SUPV3L1: variants seen among roughly 807,000 people sequenced by gnomAD.
The protein encoded by SUPV3L1 is Suv3 like RNA helicase, also known as ATP-dependent RNA helicase SUPV3L1, mitochondrial.
SUPV3L1 carries 35 observed loss-of-function variants against 70.0 expected under a neutral mutation model. That is an observed-to-expected ratio of 0.50 (90% CI 0.38 to 0.66). The LOEUF is 0.66. Ranked by LOEUF, SUPV3L1 falls within the 30% of genes least tolerant of loss-of-function variation. The probability of loss-of-function intolerance (pLI) is 0.00; values close to 1 mark genes in which losing one functional copy is unlikely to be tolerated. For missense variants in SUPV3L1, 777 were observed against 961.5 expected (o/e 0.81, Z 2.54); for synonymous variants, 364 against 341.9 (o/e 1.06, Z -0.71).
chr10:69,187,686 C>G lies in SUPV3L1; in HGVS notation c.502C>G (p.Gln168Glu). 5.6e-6 allele frequency: 9 copies of G among 1,613,202 alleles called. No individual in the cohort carries two copies. Among genetic ancestry groups the G allele is most frequent in the Non-Finnish European group, 6.8e-6 (8 of 1,179,780 alleles). The change falls in exon 4 of 15, where the codon CAA (glutamine) becomes GAA (glutamate). Residue 168 changes from glutamine (Q) to glutamate (E), a missense_variant. Around this residue, in one of 2 missense-constraint regions of SUPV3L1, gnomAD observed 619 missense variants for 823.3 expected, o/e 0.75. Coordinates refer to ENST00000359655, the MANE Select transcript of SUPV3L1 (RefSeq NM_003171.5). ...LFPFFLRHAK[Q>E]IFPVLDCKDD... ...CCCATTTTTCTTGAGACATGCCAAA[C>G]AAATATTTCCTGTGTTGGACTGTAA...
At chr10:69,195,683 C>T (rs1325904072) in intron 7 of SUPV3L1, among the ~76,000 whole-genome samples, 1 of 152,128 alleles carries the variant, frequency 6.6e-6, no homozygotes, top group African/African-American at 2.4e-5. Flanking sequence ...TAATTTGCTC[C>T]ATAGAGTTGA....
At chr10:69,190,850 C>T (rs1191611271) in intron 5 of SUPV3L1, among the ~76,000 whole-genome samples, 1 of 152,164 alleles carries the variant, frequency 6.6e-6, no homozygotes, top group East Asian at 1.9e-4. Context: ...GATGACCAGC[C>T]ATCCCAGTTT....
chr10:69,189,646 CTTTT>C (rs34718589), intron 5 of SUPV3L1, among the ~76,000 whole-genome samples: 1 of 125,052 alleles, frequency 8.0e-6, no homozygotes. Context: ...GCTATCAATT[CTTTT>C]TTTTTTTTTT....
chr10:69,198,094 GAACTT>G (rs1267506459), intron 8 of SUPV3L1, among the ~76,000 whole-genome samples: 1 of 152,072 alleles, frequency 6.6e-6, no homozygotes, highest in East Asian at 1.9e-4. Flanking sequence ...TAACCTTTCT[GAACTT>G]AACACATTGC....
chr10:69,207,316 A>G (rs1462081286), intron 13 of SUPV3L1, among the ~76,000 whole-genome samples: 2 of 152,082 alleles, frequency 1.3e-5, no homozygotes, highest in African/African-American at 4.8e-5. Context: ...AAAAGAAGGA[A>G]ATCATCTTTT....
At chr10:69,199,654 A>G (rs1842633491) in intron 10 of SUPV3L1, among the ~76,000 whole-genome samples, 1 of 151,810 alleles carries the variant, frequency 6.6e-6, no homozygotes, top group African/African-American at 2.4e-5. Flanking sequence ...AAGTGCTAGG[A>G]TTACAGGCAT....
intron 5 of SUPV3L1, among the ~76,000 whole-genome samples, chr10:69,191,311 C>CCT (rs1357036432): frequency 1.4e-5 from 2 of 146,306 alleles, no homozygotes; most frequent in Non-Finnish European, 3.0e-5. Flanking sequence ...GCTCACTGAA[C>CCT]CTCCATCTCT....
chr10:69,193,592 T>G (rs1842458954), intron 6 of SUPV3L1, among the ~76,000 whole-genome samples: 1 of 152,070 alleles, frequency 6.6e-6, no homozygotes, highest in African/African-American at 2.4e-5. Context: ...TTTTCTTTTG[T>G]AGAGAAGAGG....
In SUPV3L1 at chr10:69,180,426, T is replaced by C. The variant is rs763252324; in HGVS notation, c.135T>C (p.Leu45=). The C allele has an allele frequency of 6.2e-7, 1 of 1,614,242 alleles. No individual in the cohort carries two copies. The highest frequency in any genetic ancestry group is 8.5e-7 in the Non-Finnish European group (1 of 1,180,044). The change falls in exon 1 of 15, where the codon CTT becomes CTC. Residue 45 remains leucine, a synonymous_variant. Transcript: ENST00000359655. ...FPGVLGQVSV[L]ATASSSASGG... ...GGGTTCTGGGGCAAGTTTCTGTCCT[T>C]GCCACCGCCTCCTCCTCTGCCTCCG...
intron 14 of SUPV3L1, 144 bp downstream of exon 14, chr10:69,208,085 T>G: frequency 9.4e-7 from 1 of 1,068,682 alleles, no homozygotes; most frequent in Middle Eastern, 3.0e-4. Flanking sequence ...GCAATTCAAC[T>G]GATGGAATGG....
intron 7 of SUPV3L1, among the ~76,000 whole-genome samples, chr10:69,196,249 T>G (rs1236264168): frequency 6.6e-6 from 1 of 152,088 alleles, no homozygotes; most frequent in Admixed American, 6.5e-5. Flanking sequence ...CCCAGCACTT[T>G]GGGAGGCCGA....
intron 10 of SUPV3L1, among the ~76,000 whole-genome samples, chr10:69,199,593 A>G (rs565710123): frequency 6.6e-6 from 1 of 152,054 alleles, no homozygotes; most frequent in African/African-American, 2.4e-5. Context: ...CTGTTGCCCA[A>G]GCTAGTCTCT....
chr10:69,185,357 G>T (rs915373059), intron 1 of SUPV3L1, among the ~76,000 whole-genome samples: 2 of 152,170 alleles, frequency 1.3e-5, no homozygotes, highest in African/African-American at 4.8e-5. Flanking sequence ...GTTTGGATGT[G>T]CAGAATCGTT....
chr10:69,185,350 T>A (rs574342010), intron 1 of SUPV3L1, among the ~76,000 whole-genome samples: 4 of 152,180 alleles, frequency 2.6e-5, no homozygotes, highest in Non-Finnish European at 4.4e-5. Context: ...GCTCACTGTT[T>A]GGATGTGCAG....
rs1486519040 is a variant in SUPV3L1, at chr10:69,208,893, A to G, written c.2219A>G (p.Gln740Arg). The G allele has an allele frequency of 6.2e-7, 1 of 1,613,996 alleles. No homozygotes were observed. Among genetic ancestry groups the G allele is most frequent in the Non-Finnish European group, 8.5e-7 (1 of 1,179,998 alleles). The change falls in exon 15 of 15, where the codon CAA becomes CGA. Residue 740 changes from glutamine to arginine, a missense_variant. By Grantham distance (43) the Gln-to-Arg change is conservative (BLOSUM62 1). Coordinates refer to ENST00000359655, the MANE Select transcript of SUPV3L1 (RefSeq NM_003171.5). ...TCCCTTGCTTCCAGATTGGTGCAGCAAGGACTCCTCACTCCAGACATGCTG... is the reference window on the plus strand; with the variant it reads ...TCCCTTGCTTCCAGATTGGTGCAGCGAGGACTCCTCACTCCAGACATGCTG... Reference protein sequence around the residue: ...ELSLASRLVQQGLLTPDMLKQ... With the variant: ...ELSLASRLVQRGLLTPDMLKQ...
At chr10:69,195,112 G>A in intron 6 of SUPV3L1, 76 bp from the exon 7 acceptor site, 1 of 1,198,236 alleles carries the variant, frequency 8.3e-7, no homozygotes, top group Non-Finnish European at 1.2e-6. Context: ...GGTGATGCTT[G>A]AATTTTGGTG....
intron 6 of SUPV3L1, 26 bp downstream of exon 6, chr10:69,191,792 A>T: frequency 1.1e-5 from 17 of 1,482,488 alleles, no homozygotes; most frequent in African/African-American, 1.4e-5. Context: ...TTAAGAAACT[A>T]TGGTTTGGTA....
At chr10:69,188,167 G>C (rs7908670) in intron 4 of SUPV3L1, among the ~76,000 whole-genome samples, 5 of 152,258 alleles carry the variant, frequency 3.3e-5, no homozygotes, top group African/African-American at 9.6e-5. Flanking sequence ...AGACCCTGCC[G>C]ATTCTTACCT....
Position 69,208,857 on chromosome 10 carries a change from C to T in SUPV3L1, c.2183C>T (p.Ala728Val). Residue 728 changes from alanine to valine, a missense_variant, in exon 15 of 15, where the codon GCA (alanine) becomes GTA (valine). Physicochemically the swap from Ala to Val is moderately conservative, Grantham distance 64 (BLOSUM62 0). Transcript: ENST00000359655. ...GCTACTGAGCCACCCAGCCCCGATG[C>T]AGGAGAGCTGTCCCTTGCTTCCAGA... Reference protein sequence around the residue: ...SKATEPPSPDAGELSLASRLV... With the variant: ...SKATEPPSPDVGELSLASRLV... The T allele has an allele frequency of 1.2e-6, 2 of 1,614,146 alleles. No individual in the cohort carries two copies. Among genetic ancestry groups the T allele is most frequent in the Non-Finnish European group, 1.7e-6 (2 of 1,180,024 alleles).
Sources: gnomAD v4.1 joint callset for allele counts (sites outside exome capture counted in the v4.1 genomes callset) on GRCh38, gnomAD v4.1.1 for gene constraint, gnomAD v4.1.1 regional missense constraint, MANE v1.5 for transcripts, NCBI Gene and HGNC (gene_info 2026-07-23, HGNC 2026-07-21) for gene names.